VEGFC: variants seen among roughly 807,000 people sequenced by gnomAD.
VEGFC encodes FLT4 ligand DHM.
Under a neutral mutation model 46.1 loss-of-function variants are expected in VEGFC, and 12 were observed. That is an observed-to-expected ratio of 0.26 (90% CI 0.17 to 0.42). VEGFC has a LOEUF of 0.42. VEGFC is among the 10% of genes least tolerant of loss of function. The pLI is 1.00. For synonymous variants in VEGFC, 232 were observed against 195.5 expected (o/e 1.19, Z -1.56); for missense variants, 488 against 529.4 (o/e 0.92, Z 0.77).
At chr4:176,714,084 C>G (rs563130907) in intron 3 of VEGFC, among the ~76,000 whole-genome samples, 9 of 152,150 alleles carry the variant, frequency 5.9e-5, no homozygotes, top group Non-Finnish European at 1.3e-4. Context: ...TGCTTACACG[C>G]ACAGTGTTTG....
At chr4:176,699,161 A>G (rs778910947) in intron 4 of VEGFC, among the ~76,000 whole-genome samples, 10 of 152,216 alleles carry the variant, frequency 6.6e-5, no homozygotes, top group Non-Finnish European at 1.2e-4. Context: ...AATTTGGCTT[A>G]CCATGTGGCA....
At chr4:176,685,630 T>A (rs72713936) in intron 6 of VEGFC, among the ~76,000 whole-genome samples, 2 of 152,068 alleles carry the variant, frequency 1.3e-5, no homozygotes, top group East Asian at 1.9e-4. Flanking sequence ...ATTCACTCAA[T>A]AAGAATTCAA....
At chr4:176,701,064 C>T (rs922754013) in intron 4 of VEGFC, among the ~76,000 whole-genome samples, 2 of 152,098 alleles carry the variant, frequency 1.3e-5, no homozygotes, top group Admixed American at 6.6e-5. Context: ...ACAGAACTTA[C>T]ACCCAAAAAA....
At chr4:176,776,607 C>G (rs1019231229) in intron 1 of VEGFC, among the ~76,000 whole-genome samples, 4 of 152,128 alleles carry the variant, frequency 2.6e-5, no homozygotes, top group Admixed American at 2.6e-4. Context: ...ACAGAAGAGT[C>G]GTACAAGAGA....
chr4:176,706,223 T>G (rs562052940), intron 4 of VEGFC: 2 of 152,342 alleles, frequency 1.3e-5, no homozygotes, highest in African/African-American at 4.8e-5. Context: ...TAATAGGATC[T>G]AGAAGCATTC....
At chr4:176,774,026 G>A (rs1418970668) in intron 1 of VEGFC, among the ~76,000 whole-genome samples, 1 of 151,940 alleles carries the variant, frequency 6.6e-6, no homozygotes, top group Non-Finnish European at 1.5e-5. Flanking sequence ...ATCTTTAGAA[G>A]TCCAGAAAAT....
Position 176,727,758 on chromosome 4 carries a change from C to A in VEGFC, c.552+20G>T. 1 of 1,590,308 alleles carries A rather than the reference C, an allele frequency of 6.3e-7. No individual in the cohort carries two copies. The highest frequency in any genetic ancestry group is 8.6e-7 in the Non-Finnish European group (1 of 1,167,060). On this transcript the variant is annotated intron_variant, in intron 3 of 6. Transcript: ENST00000618562. ...TGATTAAGGGGGCTCTCGCAGGTAG[C>A]AGGAATGGGCAATACCCACCGTCTT...
Position 176,711,583 on chromosome 4 carries a change from G to A in VEGFC, c.620C>T (p.Thr207Ile), listed in dbSNP as rs1734620352. The change falls in exon 4 of 7, where the codon ACT (threonine) becomes ATT (isoleucine). Residue 207 changes from threonine to isoleucine, a missense_variant. Physicochemically the swap from Thr to Ile is moderately conservative, Grantham distance 89. Transcript: ENST00000618562. ...CAGTTTAGACATGCATCGGCAGGAAGTGTGATTGGCAAAACTGATTGTTAC... is the reference window on the plus strand; with the variant it reads ...CAGTTTAGACATGCATCGGCAGGAAATGTGATTGGCAAAACTGATTGTTAC... ...KPVTISFANH[T>I]SCRCMSKLDV... The A allele has an allele frequency of 1.2e-6, 2 of 1,613,836 alleles. No individual in the cohort carries two copies. The highest frequency in any genetic ancestry group is 2.2e-5 in the South Asian group (2 of 91,050).
Position 176,687,873 on chromosome 4 carries a change from G to C in VEGFC, c.759C>G (p.Ile253Met), listed in dbSNP as rs975044588. The C allele has an allele frequency of 1.2e-6, 2 of 1,613,696 alleles. No individual in the cohort carries two copies. The highest frequency in any genetic ancestry group is 1.7e-6 in the Non-Finnish European group (2 of 1,179,876). The change falls in exon 5 of 7, where the codon ATC (isoleucine) becomes ATG (methionine). Residue 253 changes from isoleucine (I) to methionine (M), a missense_variant. Coordinates refer to ENST00000618562, the MANE Select transcript of VEGFC (RefSeq NM_005429.5). ...CPTNYMWNNHICRCLAQEDFM... is the reference protein window; with the variant it reads ...CPTNYMWNNHMCRCLAQEDFM... The stretch of plus-strand genomic sequence containing the variant: ...AATCTTCCTGAGCCAGGCATCTGCA[G>C]ATGTGATTATTCCACATGTAATTGG...
chr4:176,727,551 T>C (rs796542305), intron 3 of VEGFC, among the ~76,000 whole-genome samples: 19 of 152,302 alleles, frequency 1.2e-4, no homozygotes, highest in African/African-American at 4.3e-4. Flanking sequence ...GACTCCACTA[T>C]ATGAAGAGTT....
intron 1 of VEGFC, among the ~76,000 whole-genome samples, chr4:176,736,482 A>C (rs933618449): frequency 6.6e-6 from 1 of 151,662 alleles, no homozygotes. Flanking sequence ...ACTATAAAAA[A>C]TATAATAGAT....
At position 176,736,178 on chromosome 4, in the gene VEGFC, G is replaced by A. The variant is rs143493266; in HGVS notation, c.148-6432C>T. Among the ~76,000 whole-genome samples, 914 of 151,916 alleles carry A rather than the reference G, an allele frequency of 6.0e-3. 11 individuals are homozygous for A. The highest frequency in any genetic ancestry group is 0.02 in the African/African-American group (839 of 41,518). Reference sequence around the variant, plus strand: ...CTAGTGCAAAAACAGAAGACCACATGCTTTTGGACAATGATAGCTTTGAAT... The same window carrying A: ...CTAGTGCAAAAACAGAAGACCACATACTTTTGGACAATGATAGCTTTGAAT... On this transcript the variant is annotated intron_variant, in intron 1 of 6. Transcript: ENST00000618562.
rs532291423 is a variant in VEGFC at position 176,688,597 on chromosome 4, CCCT to C, written c.705-673_705-671del. On this transcript the variant is annotated intron_variant, in intron 4 of 6. Coordinates refer to ENST00000618562, the MANE Select transcript of VEGFC (RefSeq NM_005429.5). ...TCTTTACTTCCTTCCTTCCCTCCCT[CCCT>C]CCTTTCTTCCTTCCCTTCCCCTCCT... 1.7e-4 allele frequency among the ~76,000 whole-genome samples: 24 copies of C among 145,178 alleles called. No homozygotes were observed. In the South Asian group the frequency reaches 3.0e-3, roughly 18 times the overall value.
chr4:176,763,755 A>T (rs147847546), intron 1 of VEGFC, among the ~76,000 whole-genome samples: 90 of 152,316 alleles, frequency 5.9e-4, no homozygotes, highest in African/African-American at 2.1e-3. Flanking sequence ...GTATCATTTG[A>T]GACATATTTA....
chr4:176,767,557 C>T (rs1735649109), intron 1 of VEGFC, among the ~76,000 whole-genome samples: 1 of 152,170 alleles, frequency 6.6e-6, no homozygotes, highest in Non-Finnish European at 1.5e-5. Context: ...GTTAGGACTT[C>T]CCACTGTTGA....
chr4:176,694,606 A>T (rs1734273355), intron 4 of VEGFC, among the ~76,000 whole-genome samples: 1 of 151,886 alleles, frequency 6.6e-6, no homozygotes, highest in South Asian at 2.1e-4. Context: ...CAGGAATTGA[A>T]CTCAGTTCTG....
Position 176,683,993 on chromosome 4 carries a change from C to T in VEGFC, c.1193G>A (p.Gly398Glu), listed in dbSNP as rs759656061. ...CTNRQKACEP[G>E]FSYSEEVCRC... ...ACACACTTCTTCACTATATGAAAAT[C>T]CTGGCTCACAAGCCTTCTGGCGGTT... Residue 398 changes from glycine (G) to glutamate (E), a missense_variant, in exon 7 of 7, where the codon GGA (glycine) becomes GAA (glutamate). Physicochemically the swap from Gly to Glu is moderately conservative, Grantham distance 98. Coordinates refer to ENST00000618562, the MANE Select transcript of VEGFC (RefSeq NM_005429.5). 6.2e-7 allele frequency: 1 copy of T among 1,614,212 alleles called. No homozygotes were observed.
chr4:176,791,841 A>G (rs546989299), intron 1 of VEGFC, among the ~76,000 whole-genome samples: 3 of 152,064 alleles, frequency 2.0e-5, no homozygotes, highest in African/African-American at 7.2e-5. Flanking sequence ...ATGAACTCAT[A>G]CTCTCCAGAG....
At chr4:176,786,649 G>C (rs578213554) in intron 1 of VEGFC, among the ~76,000 whole-genome samples, 2 of 152,280 alleles carry the variant, frequency 1.3e-5, no homozygotes, top group South Asian at 4.1e-4. Flanking sequence ...TTATAAGCTT[G>C]TTATAGACAA....
Sources: gnomAD v4.1 joint callset for allele counts (sites outside exome capture counted in the v4.1 genomes callset) on GRCh38, gnomAD v4.1.1 for gene constraint, MANE v1.5 for transcripts, NCBI Gene and HGNC (gene_info 2026-07-23, HGNC 2026-07-21) for gene names.